MTA1: variants seen among roughly 807,000 people sequenced by gnomAD.
The protein encoded by MTA1 is metastasis associated 1, also known as metastasis-associated protein MTA1.
MTA1 carries 15 observed loss-of-function variants against 97.0 expected under a neutral mutation model. The ratio of observed to expected loss-of-function variants is 0.15; its 90% CI spans 0.10 to 0.24. The LOEUF is 0.24. Among genes scored for constraint, MTA1 ranks in the 10% least tolerant of loss-of-function variants. The pLI is 1.00. For synonymous variants in MTA1, 435 were observed against 417.5 expected (o/e 1.04, Z -0.51); for missense variants, 709 against 1,015.1 (o/e 0.70, Z 4.10).
intron 1 of MTA1, among the ~76,000 whole-genome samples, chr14:105,431,832 G>A (rs782317094): frequency 1.4e-4 from 21 of 152,164 alleles, no homozygotes; most frequent in Admixed American, 3.3e-4. Flanking sequence ...CACCATGTTG[G>A]GCAGGCTGGT....
At position 105,463,074 on chromosome 14, in the gene MTA1, CTGGCCTCCCGCCCCCTCTG is replaced by C; in HGVS notation, c.943-103_943-85del. ...CCGTGCACCAAGCACACCTCGCCCT[CTGGCCTCCCGCCCCCTCTG>C]TGGCCTTCTGGCCGCAGCCCTGCCC... is the stretch of plus-strand genomic sequence containing the variant. On this transcript the variant is annotated intron_variant, in intron 10 of 20. Transcript: ENST00000331320. The surrounding 1 kb of genome is among the most constrained non-coding windows in gnomAD (Gnocchi z 5.9). 2.7e-6 allele frequency: 3 copies of C among 1,101,276 alleles called. No individual in the cohort carries two copies. Among genetic ancestry groups the C allele is most frequent in the Non-Finnish European group, 4.0e-6 (3 of 743,268 alleles). 68.2% of individuals were successfully genotyped at this position (1,101,276 alleles called of 1,614,324 possible).
At chr14:105,469,330 C>A in intron 18 of MTA1, 137 bp from the exon 19 acceptor site, 1 of 963,586 alleles carries the variant, frequency 1.0e-6, no homozygotes, top group East Asian at 2.5e-5. Flanking sequence ...CCCCCAGGCC[C>A]ATCCTGGGTG....
At chr14:105,446,743 C>T (rs1374172921) in intron 3 of MTA1, among the ~76,000 whole-genome samples, 4 of 152,344 alleles carry the variant, frequency 2.6e-5, no homozygotes, top group Non-Finnish European at 2.9e-5. Context: ...TGGATGCGGA[C>T]GTGAGCTGCC....
At chr14:105,425,682 C>T (rs1466116953) in intron 1 of MTA1, among the ~76,000 whole-genome samples, 1 of 151,044 alleles carries the variant, frequency 6.6e-6, no homozygotes, top group Non-Finnish European at 1.5e-5. Context: ...ACCCCCACCC[C>T]AGCTGGCCTG....
rs912770509 is a variant in MTA1 at position 105,434,684 on chromosome 14, G to A, written c.29-3988G>A. Among the ~76,000 whole-genome samples the A allele has an allele frequency of 3.9e-5, 6 of 152,062 alleles. No homozygotes were observed. In the East Asian group the frequency reaches 1.2e-3, roughly 29 times the overall value. On this transcript the variant is annotated intron_variant, in intron 1 of 20. Coordinates refer to ENST00000331320, the MANE Select transcript of MTA1 (RefSeq NM_004689.4). ...CAGCTATTTTTTTTGTATTTTTAGT[G>A]GAGATGGGGTAGCTCCATATTGGTC...
At chr14:105,466,394 G>A (rs1555432779) in intron 16 of MTA1, 32 bp from the exon 17 acceptor site, 3 of 1,589,422 alleles carry the variant, frequency 1.9e-6, no homozygotes, top group African/African-American at 1.3e-5. Flanking sequence ...CTGGGCAGAG[G>A]CAACTCGTTC....
At chr14:105,429,488 GT>G (rs1214643603) in intron 1 of MTA1, among the ~76,000 whole-genome samples, 3 of 145,936 alleles carry the variant, frequency 2.1e-5, no homozygotes, top group Non-Finnish European at 3.0e-5. Flanking sequence ...GTCTCCCTCT[GT>G]CACCCAGGCT....
chr14:105,454,960 C>A (rs587621225), intron 7 of MTA1, among the ~76,000 whole-genome samples: 1 of 151,948 alleles, frequency 6.6e-6, no homozygotes, highest in Admixed American at 6.5e-5. Flanking sequence ...GGCTGGAATG[C>A]AGTGGTGCAA....
At chr14:105,461,058 C>T (rs1252334153) in intron 10 of MTA1, 105 bp downstream of exon 10, 1 of 1,195,440 alleles carries the variant, frequency 8.4e-7, no homozygotes, top group Non-Finnish European at 1.2e-6. Flanking sequence ...GGGAGCCTGT[C>T]CTGCACCCTG....
At chr14:105,440,754 C>T (rs587723876) in intron 2 of MTA1, among the ~76,000 whole-genome samples, 10 of 152,364 alleles carry the variant, frequency 6.6e-5, no homozygotes, top group African/African-American at 1.7e-4. Context: ...GCAGGGCAGC[C>T]GAGCCAGACG....
chr14:105,468,809 G>C (rs1248803898), intron 18 of MTA1, among the ~76,000 whole-genome samples: 2 of 152,218 alleles, frequency 1.3e-5, no homozygotes, highest in Non-Finnish European at 1.5e-5. Flanking sequence ...GAAGGGCAGT[G>C]AGTGGGGGAG....
rs1555432984 is a variant in MTA1, at chr14:105,466,710, A to G, written c.1781A>G (p.Asn594Ser). Residue 594 changes from asparagine (N) to serine (S), a missense_variant, in exon 18 of 21, where the codon AAC becomes AGC. By Grantham distance (46) the Asn-to-Ser change is conservative (BLOSUM62 1). Around this residue, in one of 2 missense-constraint regions of MTA1, gnomAD observed 388 missense variants for 421.6 expected, o/e 0.92. Transcript: ENST00000331320. ...SYEQHNGVDGNMKKRLLMPSR... is the reference protein window; with the variant it reads ...SYEQHNGVDGSMKKRLLMPSR... ...TCTCCCACCCCGGCGCTGCCAGGCAACATGAAGAAGCGCCTCTTGATGCCC... is the reference window on the plus strand; with the variant it reads ...TCTCCCACCCCGGCGCTGCCAGGCAGCATGAAGAAGCGCCTCTTGATGCCC... 6.2e-7 allele frequency: 1 copy of G among 1,602,778 alleles called. No individual in the cohort carries two copies. The highest frequency in any genetic ancestry group is 8.5e-7 in the Non-Finnish European group (1 of 1,176,098).
At chr14:105,427,486 C>T (rs1459328227) in intron 1 of MTA1, among the ~76,000 whole-genome samples, 2 of 152,280 alleles carry the variant, frequency 1.3e-5, no homozygotes, top group East Asian at 3.9e-4. Flanking sequence ...CTCTGCCCCA[C>T]GTGAGTTCAG....
At chr14:105,455,860 TG>T (rs1555429776) in intron 7 of MTA1, among the ~76,000 whole-genome samples, 1 of 152,160 alleles carries the variant, frequency 6.6e-6, no homozygotes, top group Non-Finnish European at 1.5e-5. Flanking sequence ...GGGCTGGGCC[TG>T]GGGAGGAGGC....
At chr14:105,438,783 G>GAGCT in intron 2 of MTA1, 44 bp downstream of exon 2, 1 of 1,600,692 alleles carries the variant, frequency 6.2e-7, no homozygotes, top group Non-Finnish European at 8.5e-7. Flanking sequence ...TAGTGGGTGG[G>GAGCT]GGCTACGCCA....
At chr14:105,458,516 G>T in intron 8 of MTA1, 144 bp downstream of exon 8, 3 of 723,092 alleles carry the variant, frequency 4.1e-6, no homozygotes, top group Non-Finnish European at 7.1e-6. Flanking sequence ...TGAGACCCCC[G>T]GTAGCAGTTC....
At position 105,466,360 on chromosome 14, in the gene MTA1, C is replaced by G. The variant is rs1248265736; in HGVS notation, c.1625-66C>G. The G allele has an allele frequency of 3.5e-6, 5 of 1,432,974 alleles. No homozygotes were observed. In the African/African-American group the frequency reaches 7.0e-5, roughly 20 times the overall value. The allele number at this position is 1,432,974 out of a possible 1,614,324, so 88.8% of individuals were successfully genotyped here. A position where few individuals can be genotyped will look rare whatever the true frequency, so the allele number is the denominator to read the frequency against. On this transcript the variant is annotated intron_variant, in intron 16 of 20. Coordinates refer to ENST00000331320, the MANE Select transcript of MTA1 (RefSeq NM_004689.4). ...ATCCCGGAACCATGAGGGCTGGAGC[C>G]TGGGCCTGCCTGCCCCTCCCCTGCT...
intron 7 of MTA1, among the ~76,000 whole-genome samples, chr14:105,457,892 TC>T (rs1452220905): frequency 9.2e-5 from 14 of 151,740 alleles, no homozygotes; most frequent in African/African-American, 3.1e-4. Flanking sequence ...ACCACTGTAT[TC>T]CAGCCTGGGC....
Position 105,452,778 on chromosome 14 carries a change from G to A in MTA1, c.433-1415G>A, listed in dbSNP as rs587712387. 4.6e-5 allele frequency among the ~76,000 whole-genome samples: 7 copies of A among 152,366 alleles called. No homozygotes were observed. The South Asian group carries it at 1.2e-3, about 27-fold the overall frequency. On this transcript the variant is annotated intron_variant, in intron 6 of 20. Coordinates refer to ENST00000331320, the MANE Select transcript of MTA1 (RefSeq NM_004689.4). ...GTCAGTTCAAGAGGACGAAGGCCCT[G>A]AAGCATGGCTCGTGGTCACACATGG...
Sources: allele counts gnomAD v4.1 joint callset (sites outside exome capture counted in the v4.1 genomes callset), GRCh38; gene constraint gnomAD v4.1.1; regional missense constraint gnomAD v4.1.1; non-coding constraint Gnocchi (gnomAD v3.1); transcripts MANE v1.5; gene names NCBI Gene and HGNC (gene_info 2026-07-23, HGNC 2026-07-21).